The following CHPF variants were observed in gnomAD, a reference collection of about 807,000 sequenced individuals.
CHPF encodes the protein chondroitin polymerizing factor, also known as chondroitin polymerizing factor, non-catalytic subunit.
Under a neutral mutation model 55.1 loss-of-function variants are expected in CHPF, and 34 were observed. The ratio of observed to expected loss-of-function variants is 0.62; its 90% CI spans 0.47 to 0.82. CHPF has a LOEUF of 0.82. CHPF is among the 40% of genes least tolerant of loss of function. The probability of loss-of-function intolerance (pLI) is 0.00; values close to 1 mark genes in which losing one functional copy is unlikely to be tolerated. For synonymous variants in CHPF, 489 were observed against 496.6 expected (o/e 0.98, Z 0.20); for missense variants, 961 against 1,106.1 (o/e 0.87, Z 1.86).
At position 219,539,214 on chromosome 2, in the gene CHPF, G is replaced by A. The variant is rs1270733018; in HGVS notation, c.*169C>T. The stretch of plus-strand genomic sequence containing the variant: ...GGTGGCTCTGGGGGCACGTCCCCCA[G>A]TGCTTGTCCAGAGCCCAGGGACCCA... On this transcript the variant is annotated 3_prime_UTR_variant, in exon 4 of 4. Transcript: ENST00000243776. 2 of 653,908 alleles carry A rather than the reference G, an allele frequency of 3.1e-6. No homozygotes were observed. The highest frequency in any genetic ancestry group is 5.1e-6 in the Non-Finnish European group (2 of 389,594). 40.5% of individuals were successfully genotyped at this position (653,908 alleles called of 1,614,324 possible).
chr2:219,540,770 C>T (rs1225005795), intron 3 of CHPF, 128 bp from the exon 4 acceptor site: 1 of 1,265,766 alleles, frequency 7.9e-7, no homozygotes, highest in Non-Finnish European at 1.1e-6. Context: ...CTGCCCATAC[C>T]TATCATTTCC....
At chr2:219,541,461 C>A (rs1695267177) in intron 2 of CHPF, 155 bp downstream of exon 2, 2 of 638,662 alleles carry the variant, frequency 3.1e-6, no homozygotes, top group Admixed American at 3.6e-5. Context: ...ATACTGAAGC[C>A]CAGGATATTT....
chr2:219,541,975 G>T lies in CHPF; in HGVS notation c.529C>A (p.Leu177Met). ...TLGEERPIGH[L>M]HLALRHLLEQ... Reference sequence around the variant, plus strand: ...AGCAGGTGGCGCAGCGCCAGGTGCAGGTGTCCAATGGGTCGCTCCTCGCCT... The same window carrying T: ...AGCAGGTGGCGCAGCGCCAGGTGCATGTGTCCAATGGGTCGCTCCTCGCCT... The change falls in exon 2 of 4, where the codon CTG becomes ATG. Residue 177 changes from leucine (L) to methionine (M), a missense_variant. Leu to Met is a conservative substitution (Grantham distance 15). Coordinates refer to ENST00000243776, the MANE Select transcript of CHPF (RefSeq NM_024536.6). 1 of 1,610,476 alleles carries T rather than the reference G, an allele frequency of 6.2e-7. No homozygotes were observed. Among genetic ancestry groups the T allele is most frequent in the Non-Finnish European group, 8.5e-7 (1 of 1,178,586 alleles).
chr2:219,542,113 G>T lies in CHPF; in HGVS notation c.391C>A (p.Pro131Thr). Residue 131 changes from proline to threonine, a missense_variant, in exon 2 of 4, where the codon CCC becomes ACC. Coordinates refer to ENST00000243776, the MANE Select transcript of CHPF (RefSeq NM_024536.6). The part of the protein sequence containing the change: ...VAVLTSQTTL[P>T]TLGVAVNRTL... ...CGGTTCACGGCCACGCCCAGCGTGG[G>T]CAGCGTGGTCTGAGAGGTCAGCACC... is the stretch of plus-strand genomic sequence containing the variant. The T allele has an allele frequency of 6.4e-7, 1 of 1,570,290 alleles. No homozygotes were observed. Among genetic ancestry groups the T allele is most frequent in the Non-Finnish European group, 8.6e-7 (1 of 1,164,326 alleles).
chr2:219,543,155 G>C, intron 1 of CHPF, 70 bp downstream of exon 1: 1 of 1,372,598 alleles, frequency 7.3e-7, no homozygotes, highest in South Asian at 1.7e-5. Flanking sequence ...CCTGACCCGG[G>C]CCCGGGCGAC....
Position 219,539,375 on chromosome 2 carries a change from G to A in CHPF, c.*8C>T. 1 of 1,589,110 alleles carries A rather than the reference G, an allele frequency of 6.3e-7. No individual in the cohort carries two copies. The highest frequency in any genetic ancestry group is 8.6e-7 in the Non-Finnish European group (1 of 1,163,410). On this transcript the variant is annotated 3_prime_UTR_variant, in exon 4 of 4. Coordinates refer to ENST00000243776, the MANE Select transcript of CHPF (RefSeq NM_024536.6). ...GGCCATGCCACGGCCCACGGGGACA[G>A]GGTGGGGTCAGGTGCTGTTGCCCTG... is the stretch of plus-strand genomic sequence containing the variant.
chr2:219,542,461 G>A (rs910151897), intron 1 of CHPF, among the ~76,000 whole-genome samples: 2 of 152,204 alleles, frequency 1.3e-5, no homozygotes, highest in Non-Finnish European at 2.9e-5. Flanking sequence ...CTACTTAGTA[G>A]TTATGTCCTT....
In CHPF at chr2:219,539,269, C is replaced by T. The variant is rs568565103; in HGVS notation, c.*114G>A. 1 of 1,071,808 alleles carries T rather than the reference C, an allele frequency of 9.3e-7. No individual in the cohort carries two copies. Among genetic ancestry groups the T allele is most frequent in the Non-Finnish European group, 1.3e-6 (1 of 759,702 alleles). The allele number at this position is 1,071,808 out of a possible 1,614,324, so 66.4% of individuals were successfully genotyped here. On this transcript the variant is annotated 3_prime_UTR_variant, in exon 4 of 4. Coordinates refer to ENST00000243776, the MANE Select transcript of CHPF (RefSeq NM_024536.6). ...GCCAGAGAGGGGACCAGTGGGCCAG[C>T]TTGGGGTCTGGCTACGGCCAGCCCT...
rs771626436 is a variant in CHPF, at chr2:219,540,260, C to T, written c.1451G>A (p.Arg484Gln). 13 of 1,613,754 alleles carry T rather than the reference C, an allele frequency of 8.1e-6. No homozygotes were observed. Among genetic ancestry groups the T allele is most frequent in the Middle Eastern group, 3.3e-4 (2 of 6,062 alleles). The change falls in exon 4 of 4, where the codon CGA (arginine) becomes CAA (glutamine). Residue 484 changes from arginine to glutamine, a missense_variant. By Grantham distance (43) the Arg-to-Gln change is conservative. This residue lies in a region of CHPF where 936 missense variants were observed against 1,058.4 expected (regional missense o/e 0.88). Coordinates refer to ENST00000243776, the MANE Select transcript of CHPF (RefSeq NM_024536.6). ...GCTCAGCGGCCGGAGCAGCTGCACT[C>T]GGCGAGTGAGGGGCCGGCGGCCTCC... ...PQGGRRPLTR[R>Q]VQLLRPLSRV...
rs757100275 is a variant in CHPF at position 219,543,304 on chromosome 2, C to T, written c.235G>A (p.Gly79Ser). 4 of 1,573,342 alleles carry T rather than the reference C, an allele frequency of 2.5e-6. No individual in the cohort carries two copies. The African/African-American group carries it at 5.6e-5, about 22-fold the overall frequency. Residue 79 changes from glycine (G) to serine (S), a missense_variant, in exon 1 of 4, where the codon GGC (glycine) becomes AGC (serine). Physicochemically the swap from Gly to Ser is moderately conservative, Grantham distance 56. Transcript: ENST00000243776. ...CGCGGCTCCCAATTCTCCCCGGCGC[C>T]TTCGCCGGCCCCGGGCTTCTCGCGC... Reference protein sequence around the residue: ...AEREKPGAGEGAGENWEPRVL... With the variant: ...AEREKPGAGESAGENWEPRVL...
rs749674283 is a variant in CHPF at position 219,539,773 on chromosome 2, G to A, written c.1938C>T (p.Ala646=). The change falls in exon 4 of 4, where the codon GCC becomes GCT. Residue 646 remains alanine (A), a synonymous_variant. Coordinates refer to ENST00000243776, the MANE Select transcript of CHPF (RefSeq NM_024536.6). ...GTGGTGGGGCCACAGCTGGGTGGAA[G>A]GCTTGGAAATGCATGGGAAAGAAGG... is the stretch of plus-strand genomic sequence containing the variant. ...WQAFFPMHFQ[A]FHPAVAPPQG... 1 of 1,613,518 alleles carries A rather than the reference G, an allele frequency of 6.2e-7. No homozygotes were observed. Among genetic ancestry groups the A allele is most frequent in the Non-Finnish European group, 8.5e-7 (1 of 1,180,016 alleles).
At chr2:219,543,164 A>ACCTC (rs1376002427) in intron 1 of CHPF, 61 bp downstream of exon 1, 12 of 1,368,358 alleles carry the variant, frequency 8.8e-6, no homozygotes, top group Non-Finnish European at 1.1e-5. Context: ...GGCCCGGGCG[A>ACCTC]CCTCCCCGCG....
At position 219,541,135 on chromosome 2, in the gene CHPF, G is replaced by C. The variant is rs1695261964; in HGVS notation, c.889-10C>G. 1 of 1,573,686 alleles carries C rather than the reference G, an allele frequency of 6.4e-7. No individual in the cohort carries two copies. The highest frequency in any genetic ancestry group is 8.6e-7 in the Non-Finnish European group (1 of 1,162,464). ...GGCTATAGTGCACCCCCTGGGGAGAGGAAGGGAAGGGATCTGTGATGAGCT... is the reference window on the plus strand; with the variant it reads ...GGCTATAGTGCACCCCCTGGGGAGACGAAGGGAAGGGATCTGTGATGAGCT... On this transcript the variant is annotated splice_polypyrimidine_tract_variant and intron_variant, in intron 2 of 3. Coordinates refer to ENST00000243776, the MANE Select transcript of CHPF (RefSeq NM_024536.6).
chr2:219,540,910 C>T, intron 3 of CHPF, 36 bp downstream of exon 3: 10 of 1,600,954 alleles, frequency 6.2e-6, no homozygotes, highest in Non-Finnish European at 8.5e-6. Flanking sequence ...CAGATCCTGT[C>T]CCCGTCACTC....
rs749399783 is a variant in CHPF, at chr2:219,540,234, G to A, written c.1477C>T (p.Arg493Cys). 18 of 1,613,672 alleles carry A rather than the reference G, an allele frequency of 1.1e-5. No homozygotes were observed. Among genetic ancestry groups the A allele is most frequent in the East Asian group, 2.2e-5 (1 of 44,874 alleles). The stretch of plus-strand genomic sequence containing the variant: ...TAGGGCACAGGCAAGATCTCCACGC[G>A]GCTCAGCGGCCGGAGCAGCTGCACT... Reference protein sequence around the residue: ...RRVQLLRPLSRVEILPVPYVT... With the variant: ...RRVQLLRPLSCVEILPVPYVT... Residue 493 changes from arginine (R) to cysteine (C), a missense_variant, in exon 4 of 4, where the codon CGC becomes TGC. Transcript: ENST00000243776.
intron 3 of CHPF, 102 bp from the exon 4 acceptor site, chr2:219,540,744 C>T: frequency 1.5e-6 from 2 of 1,311,128 alleles, no homozygotes; most frequent in Non-Finnish European, 2.1e-6. Context: ...ATGGGCCCCT[C>T]ATCCCCTGCC....
rs773753712 is a variant in CHPF, at chr2:219,540,247, G to A, written c.1464C>T (p.Leu488=). ...RRPLTRRVQL[L]RPLSRVEILP... is the part of the protein sequence containing the mutation. ...AGATCTCCACGCGGCTCAGCGGCCG[G>A]AGCAGCTGCACTCGGCGAGTGAGGG... Residue 488 remains leucine (L), a synonymous_variant, in exon 4 of 4, where the codon CTC becomes CTT. Transcript: ENST00000243776. 3 of 1,613,740 alleles carry A rather than the reference G, an allele frequency of 1.9e-6. No individual in the cohort carries two copies. The East Asian group carries it at 6.7e-5, about 36-fold the overall frequency.
chr2:219,543,405 G>C lies in CHPF; in HGVS notation c.134C>G (p.Pro45Arg). The C allele has an allele frequency of 6.4e-7, 1 of 1,550,574 alleles. No individual in the cohort carries two copies. The highest frequency in any genetic ancestry group is 1.2e-5 in the South Asian group (1 of 85,446). ...EEPCGPGPPQ[P>R]GDSELPPRGN... Reference sequence around the variant, plus strand: ...GCGCGGCGGCAGCTCAGAGTCTCCAGGTTGGGGCGGGCCTGGGCCGCACGG... The same window carrying C: ...GCGCGGCGGCAGCTCAGAGTCTCCACGTTGGGGCGGGCCTGGGCCGCACGG... Residue 45 changes from proline (P) to arginine (R), a missense_variant, in exon 1 of 4, where the codon CCT becomes CGT. Pro to Arg is a moderately radical substitution (Grantham distance 103). Coordinates refer to ENST00000243776, the MANE Select transcript of CHPF (RefSeq NM_024536.6).
At position 219,542,171 on chromosome 2, in the gene CHPF, C is replaced by T. The variant is rs1344085530; in HGVS notation, c.333G>A (p.Thr111=). The change falls in exon 2 of 4, where the codon ACG becomes ACA. Residue 111 remains threonine (T), a synonymous_variant. Transcript: ENST00000243776. ...KKAVRTRYIS[T]ELGIRQRLLV... is the part of the protein sequence containing the mutation. ...GCAGCCTCTGCCTGATGCCCAGCTC[C>T]GTGCTGATGTAGCGGGTCCTAGGGG... 11 of 1,498,604 alleles carry T rather than the reference C, an allele frequency of 7.3e-6. No individual in the cohort carries two copies. Among genetic ancestry groups the T allele is most frequent in the Non-Finnish European group, 9.7e-6 (11 of 1,131,520 alleles). The allele number at this position is 1,498,604 out of a possible 1,614,324, so 92.8% of individuals were successfully genotyped here.
Sources: gnomAD v4.1 joint callset for allele counts (sites outside exome capture counted in the v4.1 genomes callset) on GRCh38, gnomAD v4.1.1 for gene constraint, gnomAD v4.1.1 regional missense constraint, MANE v1.5 for transcripts, NCBI Gene and HGNC (gene_info 2026-07-23, HGNC 2026-07-21) for gene names.